Variants in SHC4 observed in about 807,000 individuals in gnomAD.
SHC4 encodes SHC-transforming protein 4.
In SHC4, 41 loss-of-function variants were observed where a neutral mutation model predicts 69.4. The observed-to-expected ratio is 0.59, with a 90% confidence interval of 0.46 to 0.77. The LOEUF (loss-of-function observed/expected upper bound fraction) is 0.77. SHC4 is among the 30% of genes least tolerant of loss of function. The pLI is 0.00. For missense variants in SHC4, 777 were observed against 783.8 expected (o/e 0.99, Z 0.10); for synonymous variants, 318 against 299.3 (o/e 1.06, Z -0.64).
chr15:48,963,249 C>G lies in SHC4; in HGVS notation c.-234G>C. ...CTCTCCCTGGCCCAGGCAGAGGCAC[C>G]AGTGTTCTCGCCTTGGAATCCTTGT... is the stretch of plus-strand genomic sequence containing the variant. On this transcript the variant is annotated 5_prime_UTR_variant, in exon 1 of 12. Coordinates refer to ENST00000332408, the MANE Select transcript of SHC4 (RefSeq NM_203349.4). 2.0e-6 allele frequency: 1 copy of G among 489,636 alleles called. No individual in the cohort carries two copies. Among genetic ancestry groups the G allele is most frequent in the South Asian group, 3.9e-5 (1 of 25,378 alleles). 30.3% of individuals were successfully genotyped at this position (489,636 alleles called of 1,614,324 possible).
At chr15:48,867,768 G>C (rs865876628) in intron 6 of SHC4, 50 bp downstream of exon 6, 2 of 1,483,012 alleles carry the variant, frequency 1.3e-6, no homozygotes, top group South Asian at 1.1e-5. Context: ...TTACTTTTTA[G>C]AGTTGGTATA....
At chr15:48,928,436 G>T (rs1900895232) in intron 1 of SHC4, among the ~76,000 whole-genome samples, 1 of 152,128 alleles carries the variant, frequency 6.6e-6, no homozygotes, top group Non-Finnish European at 1.5e-5. Context: ...AGACAGAAAT[G>T]TCTGAACAGG....
chr15:48,843,531 G>C lies in SHC4; in HGVS notation c.1361C>G (p.Thr454Arg). 6.2e-7 allele frequency: 1 copy of C among 1,614,166 alleles called. No homozygotes were observed. The highest frequency in any genetic ancestry group is 8.5e-7 in the Non-Finnish European group (1 of 1,180,008). The change falls in exon 10 of 12, where the codon ACG (threonine) becomes AGG (arginine). Residue 454 changes from threonine to arginine, a missense_variant. Coordinates refer to ENST00000332408, the MANE Select transcript of SHC4 (RefSeq NM_203349.4). ...SQRDTSLLKH[T>R]CRVDLFDDPC... Reference sequence around the variant, plus strand: ...GTCATCAAAGAGATCCACTCGGCACGTGTGCTTCAATAATGAGGTATCTCG... The same window carrying C: ...GTCATCAAAGAGATCCACTCGGCACCTGTGCTTCAATAATGAGGTATCTCG...
intron 1 of SHC4, among the ~76,000 whole-genome samples, chr15:48,936,680 C>T (rs1348131937): frequency 6.6e-6 from 1 of 152,152 alleles, no homozygotes; most frequent in Non-Finnish European, 1.5e-5. Flanking sequence ...TATTAATGAC[C>T]CAGTCTTGGG....
chr15:48,843,681 A>G (rs1899035263), intron 9 of SHC4, 93 bp from the exon 10 acceptor site: 1 of 1,239,340 alleles, frequency 8.1e-7, no homozygotes, highest in East Asian at 2.5e-5. Flanking sequence ...AGAAACCTAA[A>G]GGCCATGCCC....
At chr15:48,890,868 T>C in intron 2 of SHC4, 57 bp from the exon 3 acceptor site, 1 of 1,579,274 alleles carries the variant, frequency 6.3e-7, no homozygotes, top group Non-Finnish European at 8.7e-7. Flanking sequence ...ACACAGTAAG[T>C]GTTTAAGAAA....
intron 1 of SHC4, among the ~76,000 whole-genome samples, chr15:48,960,771 A>T (rs958663322): frequency 2.0e-5 from 3 of 152,220 alleles, no homozygotes; most frequent in Admixed American, 6.5e-5. Context: ...AAATAATTAC[A>T]TTAAATTTAA....
intron 5 of SHC4, among the ~76,000 whole-genome samples, chr15:48,871,081 C>G (rs988422538): frequency 2.0e-5 from 3 of 152,190 alleles, no homozygotes; most frequent in African/African-American, 7.2e-5. Context: ...TCCTCAATTA[C>G]AGGTGAAAAC....
chr15:48,958,877 G>T (rs567851171), intron 1 of SHC4, among the ~76,000 whole-genome samples: 10 of 152,348 alleles, frequency 6.6e-5, no homozygotes, highest in African/African-American at 2.4e-4. Flanking sequence ...CCCAGACTGG[G>T]ATCTCACTGT....
At chr15:48,899,214 C>A (rs1028339025) in intron 2 of SHC4, among the ~76,000 whole-genome samples, 2 of 152,172 alleles carry the variant, frequency 1.3e-5, no homozygotes, top group African/African-American at 2.4e-5. Context: ...CACCTGTAAT[C>A]TTTGTACTTT....
chr15:48,891,639 A>G (rs1350608771), intron 2 of SHC4, among the ~76,000 whole-genome samples: 1 of 152,232 alleles, frequency 6.6e-6, no homozygotes, highest in East Asian at 1.9e-4. Context: ...CTCACAAGGC[A>G]AATGGAAATC....
At chr15:48,841,042 T>C (rs981761064) in intron 10 of SHC4, among the ~76,000 whole-genome samples, 2 of 130,814 alleles carry the variant, frequency 1.5e-5, no homozygotes, top group Non-Finnish European at 3.7e-5. Flanking sequence ...TGCCATTTCA[T>C]ATTATTGAAT....
chr15:48,839,281 G>A (rs1170487978), intron 10 of SHC4, among the ~76,000 whole-genome samples: 1 of 152,126 alleles, frequency 6.6e-6, no homozygotes, highest in South Asian at 2.1e-4. Context: ...AAACTACATC[G>A]CCAAAGAAAT....
intron 2 of SHC4, among the ~76,000 whole-genome samples, chr15:48,923,600 G>GT (rs1334142079): frequency 7.1e-6 from 1 of 140,390 alleles, no homozygotes; most frequent in Non-Finnish European, 1.5e-5. Flanking sequence ...GAGGGGTAGA[G>GT]TTTTTTCAAC....
intron 6 of SHC4, among the ~76,000 whole-genome samples, chr15:48,861,353 T>G (rs1200182452): frequency 6.6e-6 from 1 of 152,262 alleles, no homozygotes; most frequent in Non-Finnish European, 1.5e-5. Context: ...ACTGACCTCA[T>G]GCAGATGTTC....
At chr15:48,845,538 A>T (rs189622050) in intron 9 of SHC4, among the ~76,000 whole-genome samples, 1 of 152,198 alleles carries the variant, frequency 6.6e-6, no homozygotes, top group African/African-American at 2.4e-5. Flanking sequence ...TGCTTTTACA[A>T]ATGGAAAGTG....
chr15:48,898,170 G>A (rs1250774573), intron 2 of SHC4, among the ~76,000 whole-genome samples: 1 of 152,136 alleles, frequency 6.6e-6, no homozygotes, highest in African/African-American at 2.4e-5. Context: ...TGATCTATGT[G>A]TTCAATTTTG....
chr15:48,855,861 T>C, intron 8 of SHC4, 92 bp downstream of exon 8: 1 of 1,360,750 alleles, frequency 7.3e-7, no homozygotes, highest in South Asian at 1.5e-5. Flanking sequence ...GGACTTTCTC[T>C]AAACTAGCAT....
At chr15:48,888,669 A>G (rs1900080804) in intron 3 of SHC4, among the ~76,000 whole-genome samples, 2 of 152,088 alleles carry the variant, frequency 1.3e-5, no homozygotes, top group Non-Finnish European at 2.9e-5. Flanking sequence ...TGAGATGGGC[A>G]GATCACTTGA....
Sources: allele counts gnomAD v4.1 joint callset (sites outside exome capture counted in the v4.1 genomes callset), GRCh38; gene constraint gnomAD v4.1.1; transcripts MANE v1.5; gene names NCBI Gene and HGNC (gene_info 2026-07-23, HGNC 2026-07-21).